The following LRMDA variants were observed in gnomAD, a reference collection of about 807,000 sequenced individuals.
LRMDA encodes leucine rich melanocyte differentiation associated, also known as leucine-rich melanocyte differentiation-associated protein.
In LRMDA, 18 loss-of-function variants were observed where a neutral mutation model predicts 29.8. The observed-to-expected ratio is 0.60, with a 90% CI of 0.42 to 0.90. The LOEUF (loss-of-function observed/expected upper bound fraction) is 0.90. Ranked by LOEUF, LRMDA falls within the 40% of genes least tolerant of loss-of-function variation. The pLI, the probability that LRMDA is intolerant of heterozygous loss-of-function variation, is 0.00. For missense variants in LRMDA, 273 were observed against 273.9 expected, an observed-to-expected ratio of 1.00 and a Z score of 0.02; for synonymous variants, 125 against 109.4, an observed-to-expected ratio of 1.14 and a Z score of -0.89.
intron 6 of LRMDA, among the ~76,000 whole-genome samples, chr10:76,545,991 C>T (rs1843416910): frequency 6.6e-6 from 1 of 152,116 alleles, no homozygotes; most frequent in Non-Finnish European, 1.5e-5. Flanking sequence ...CTCTGGGGAA[C>T]GGGGCTTGGC....
chr10:76,037,999 C>G (rs1848280793), intron 3 of LRMDA, among the ~76,000 whole-genome samples: 1 of 152,148 alleles, frequency 6.6e-6, no homozygotes, highest in Admixed American at 6.5e-5. Flanking sequence ...CCAAGTTTCC[C>G]AATCACTCTT....
rs568145705 is a variant in LRMDA, at chr10:75,658,554, A to G, written c.131+220060A>G. On this transcript the variant is annotated intron_variant, in intron 2 of 6. Transcript: ENST00000611255. ...CTGAAGTCAGGTCAGTCCCCCATGG[A>G]CAATTCCCAAAGCACATTTGCATCT... 1.6e-3 allele frequency among the ~76,000 whole-genome samples: 250 copies of G among 152,234 alleles called. 1 individual carries two copies. The highest frequency in any genetic ancestry group is 6.8e-3 in the Middle Eastern group (2 of 294).
At chr10:76,383,025 T>C (rs1045511580) in intron 6 of LRMDA, among the ~76,000 whole-genome samples, 78 of 152,228 alleles carry the variant, frequency 5.1e-4, no homozygotes, top group Non-Finnish European at 1.0e-3. Flanking sequence ...CCACAGTCAC[T>C]GCACTAACCA....
At chr10:76,006,747 C>A (rs1847669767) in intron 2 of LRMDA, among the ~76,000 whole-genome samples, 1 of 151,950 alleles carries the variant, frequency 6.6e-6, no homozygotes, top group Non-Finnish European at 1.5e-5. Flanking sequence ...TATTAGCAGC[C>A]CTTAAAAAAA....
chr10:75,913,386 G>GCAGA (rs1845872613), intron 2 of LRMDA, among the ~76,000 whole-genome samples: 1 of 152,152 alleles, frequency 6.6e-6, no homozygotes, highest in Non-Finnish European at 1.5e-5. Flanking sequence ...GAACCAAGAG[G>GCAGA]CAGAGGTTGC....
Position 75,750,238 on chromosome 10 carries a change from C to T in LRMDA, c.132-285770C>T, listed in dbSNP as rs542264211. ...GGCGCCCCCCACCTCCCGGACAGGG[C>T]GGCTGCCGGGCGGGGGCTGCCCACC... On this transcript the variant is annotated intron_variant, in intron 2 of 6. Coordinates refer to ENST00000611255, the MANE Select transcript of LRMDA (RefSeq NM_001305581.2). Among the ~76,000 whole-genome samples, 791 of 148,024 alleles carry T rather than the reference C, an allele frequency of 5.3e-3. 11 individuals are homozygous for T. The highest frequency in any genetic ancestry group is 0.019 in the African/African-American group (757 of 40,014).
chr10:75,939,471 G>A (rs565277403), intron 2 of LRMDA, among the ~76,000 whole-genome samples: 3 of 152,224 alleles, frequency 2.0e-5, no homozygotes, highest in South Asian at 2.1e-4. Context: ...GATTTTGGGG[G>A]GCTGGCTTCC....
intron 2 of LRMDA, among the ~76,000 whole-genome samples, chr10:76,023,459 G>A (rs1052513424): frequency 1.4e-4 from 21 of 152,186 alleles, no homozygotes; most frequent in African/African-American, 4.3e-4. Context: ...GAGGGTTAGG[G>A]ATAGTCTGCC....
intron 2 of LRMDA, among the ~76,000 whole-genome samples, chr10:75,575,382 C>T (rs1260702465): frequency 6.6e-6 from 1 of 152,168 alleles, no homozygotes. Context: ...TCCAGAGTCT[C>T]ATTTGAGACA....
At chr10:76,106,968 A>C (rs1223889129) in intron 5 of LRMDA, among the ~76,000 whole-genome samples, 1 of 152,108 alleles carries the variant, frequency 6.6e-6, no homozygotes, top group African/African-American at 2.4e-5. Flanking sequence ...CATCATTCTA[A>C]AATATTCCCC....
chr10:76,110,476 G>C (rs556912975), intron 5 of LRMDA, among the ~76,000 whole-genome samples: 1 of 152,252 alleles, frequency 6.6e-6, no homozygotes, highest in African/African-American at 2.4e-5. Flanking sequence ...TTCAAACCTT[G>C]CACTGGCTTA....
intron 2 of LRMDA, among the ~76,000 whole-genome samples, chr10:75,582,194 C>G (rs1840602796): frequency 1.3e-5 from 2 of 152,178 alleles, no homozygotes; most frequent in African/African-American, 4.8e-5. Flanking sequence ...AAACAGTGCC[C>G]CACTGGGGAC....
At chr10:75,561,188 A>G (rs1840289339) in intron 2 of LRMDA, among the ~76,000 whole-genome samples, 1 of 151,576 alleles carries the variant, frequency 6.6e-6, no homozygotes, top group Non-Finnish European at 1.5e-5. Context: ...TTGGTAAGCT[A>G]TTGATTATTG....
At chr10:76,391,661 T>C (rs1841724803) in intron 6 of LRMDA, among the ~76,000 whole-genome samples, 1 of 152,188 alleles carries the variant, frequency 6.6e-6, no homozygotes, top group Admixed American at 6.5e-5. Flanking sequence ...GGTGACCTTA[T>C]TCAGCATGAA....
chr10:76,409,364 G>A (rs1006394322), intron 6 of LRMDA, among the ~76,000 whole-genome samples: 1 of 152,124 alleles, frequency 6.6e-6, no homozygotes, highest in Admixed American at 6.5e-5. Flanking sequence ...CAAGGTCATT[G>A]CCAAGGTCTG....
At chr10:75,993,545 C>T (rs1414020338) in intron 2 of LRMDA, among the ~76,000 whole-genome samples, 1 of 152,024 alleles carries the variant, frequency 6.6e-6, no homozygotes, top group Admixed American at 6.6e-5. Context: ...CCAGCCTGGC[C>T]AATGTGGCAA....
At chr10:76,299,379 T>C (rs1307134763) in intron 5 of LRMDA, among the ~76,000 whole-genome samples, 1 of 152,202 alleles carries the variant, frequency 6.6e-6, no homozygotes, top group African/African-American at 2.4e-5. Flanking sequence ...TATGCCATTT[T>C]ACTTTATCTA....
intron 3 of LRMDA, among the ~76,000 whole-genome samples, chr10:76,042,990 A>G (rs1284678351): frequency 6.6e-6 from 1 of 151,998 alleles, no homozygotes; most frequent in Admixed American, 6.6e-5. Flanking sequence ...GTAATCCCAG[A>G]ACTTTGGGAG....
At chr10:75,551,045 T>C (rs1840136476) in intron 2 of LRMDA, among the ~76,000 whole-genome samples, 1 of 151,968 alleles carries the variant, frequency 6.6e-6, no homozygotes, top group Non-Finnish European at 1.5e-5. Context: ...ATTATCTTTT[T>C]TTTTTAACCT....
Sources: gnomAD v4.1 joint callset for allele counts (sites outside exome capture counted in the v4.1 genomes callset) on GRCh38, gnomAD v4.1.1 for gene constraint, MANE v1.5 for transcripts, NCBI Gene and HGNC (gene_info 2026-07-23, HGNC 2026-07-21) for gene names.